Variants in SLC44A5 observed in about 807,000 individuals in gnomAD.
The protein encoded by SLC44A5 is choline transporter-like protein 5.
In SLC44A5, 57 loss-of-function variants were observed where a neutral mutation model predicts 101.8. The observed-to-expected ratio is 0.56, with a 90% CI of 0.45 to 0.70. The LOEUF is 0.70. Among genes scored for constraint, SLC44A5 ranks in the 30% least tolerant of loss-of-function variants. The pLI, the probability that SLC44A5 is intolerant of heterozygous loss-of-function variation, is 0.00. For synonymous variants in SLC44A5, 281 were observed against 290.9 expected (o/e 0.97, Z 0.35); for missense variants, 737 against 853.1 (o/e 0.86, Z 1.70).
intron 2 of SLC44A5, among the ~76,000 whole-genome samples, chr1:75,416,658 G>A (rs777358320): frequency 4.6e-5 from 7 of 152,178 alleles, no homozygotes; most frequent in Middle Eastern, 3.2e-3. Context: ...GAAAGCAGCC[G>A]GGAAGAAGGC....
the SLC44A5 span, among the ~76,000 whole-genome samples, chr1:75,720,561 G>A: frequency 6.6e-6 from 1 of 152,076 alleles, no homozygotes; most frequent in Non-Finnish European, 1.5e-5. Context: ...TAATTGCAAA[G>A]GGAAAACTAT....
chr1:75,616,668 C>T, the SLC44A5 span, among the ~76,000 whole-genome samples: 2 of 152,292 alleles, frequency 1.3e-5, no homozygotes, highest in African/African-American at 2.4e-5. Flanking sequence ...TTGCCTCTGC[C>T]CCTCCCGAAC....
At position 75,368,643 on chromosome 1, in the gene SLC44A5, G is replaced by GCACACACACACA. The variant is rs10598515; in HGVS notation, c.52+27928_52+27939dup. Among the ~76,000 whole-genome samples, 107 of 144,090 alleles carry GCACACACACACA rather than the reference G, an allele frequency of 7.4e-4. 1 individual carries two copies. Among genetic ancestry groups the GCACACACACACA allele is most frequent in the African/African-American group, 2.6e-3 (100 of 39,082 alleles). The allele number at this position is 144,090 out of a possible 152,430, so 94.5% of individuals were successfully genotyped here. The stretch of plus-strand genomic sequence containing the variant: ...CTCTCTGTCTCTTTAAAATGTGCAT[G>GCACACACACACA]CACACACACACACACACACACACAC... On this transcript the variant is annotated intron_variant, in intron 3 of 23. Transcript: ENST00000370859.
the SLC44A5 span, among the ~76,000 whole-genome samples, chr1:75,667,877 G>A: frequency 7.9e-5 from 12 of 152,294 alleles, no homozygotes; most frequent in South Asian, 1.4e-3. Context: ...ACTGTCAAAA[G>A]ACATAACATT....
chr1:75,295,266 T>C (rs639866), intron 5 of SLC44A5, among the ~76,000 whole-genome samples: 108,549 of 152,124 alleles, frequency 0.71, 39,169 homozygotes, highest in East Asian at 0.96. Context: ...CTTCTTTGTA[T>C]GGACAGAATG....
chr1:75,482,971 A>T (rs900840542), intron 2 of SLC44A5, among the ~76,000 whole-genome samples: 1 of 152,254 alleles, frequency 6.6e-6, no homozygotes, highest in African/African-American at 2.4e-5. Flanking sequence ...CCAACCAAAT[A>T]AATTTGAAAA....
intron 2 of SLC44A5, among the ~76,000 whole-genome samples, chr1:75,419,038 G>A (rs575259272): frequency 1.1e-4 from 17 of 152,238 alleles, no homozygotes; most frequent in African/African-American, 3.9e-4. Context: ...CCAAAATAGA[G>A]TGCAATGATT....
chr1:75,463,195 G>A (rs1284775646), intron 2 of SLC44A5, among the ~76,000 whole-genome samples: 1 of 152,204 alleles, frequency 6.6e-6, no homozygotes, highest in Non-Finnish European at 1.5e-5. Context: ...GCCGAGGCAG[G>A]CGGATCACAA....
chr1:75,719,594 A>C, the SLC44A5 span, among the ~76,000 whole-genome samples: 1 of 152,132 alleles, frequency 6.6e-6, no homozygotes, highest in African/African-American at 2.4e-5. Flanking sequence ...ACTTGGTTTT[A>C]ATTTTCTTCA....
At chr1:75,630,050 T>A in the SLC44A5 span, among the ~76,000 whole-genome samples, 8 of 152,118 alleles carry the variant, frequency 5.3e-5, no homozygotes, top group Admixed American at 5.2e-4. Context: ...TCTAGCTCCA[T>A]CCCCCCAATT....
chr1:75,285,854 T>C (rs1331523500), intron 5 of SLC44A5, among the ~76,000 whole-genome samples: 1 of 152,104 alleles, frequency 6.6e-6, no homozygotes, highest in East Asian at 1.9e-4. Context: ...AATTTTGATT[T>C]TCTTAAATTT....
At chr1:75,404,038 A>G (rs1487559823) in intron 2 of SLC44A5, among the ~76,000 whole-genome samples, 1 of 152,012 alleles carries the variant, frequency 6.6e-6, no homozygotes, top group Non-Finnish European at 1.5e-5. Flanking sequence ...ACAGCACAAG[A>G]ACTTTGTGAA....
chr1:75,215,929 C>G, intron 18 of SLC44A5, 72 bp from the exon 19 acceptor site: 1 of 816,618 alleles, frequency 1.2e-6, no homozygotes, highest in Non-Finnish European at 2.0e-6. Context: ...AAATATAATA[C>G]AACATTTAAA....
At chr1:75,291,839 G>A (rs975593882) in intron 5 of SLC44A5, among the ~76,000 whole-genome samples, 4 of 151,742 alleles carry the variant, frequency 2.6e-5, no homozygotes, top group Non-Finnish European at 5.9e-5. Context: ...GTGAAACCCC[G>A]TTTCTACTAA....
chr1:75,551,265 A>AT (rs1671922163), intron 1 of SLC44A5, among the ~76,000 whole-genome samples: 1 of 152,138 alleles, frequency 6.6e-6, no homozygotes, highest in South Asian at 2.1e-4. Context: ...AATCTCAGAT[A>AT]TATTGACAGG....
At chr1:75,507,572 G>C (rs577137469) in intron 2 of SLC44A5, among the ~76,000 whole-genome samples, 1 of 152,218 alleles carries the variant, frequency 6.6e-6, no homozygotes, top group African/African-American at 2.4e-5. Context: ...TATAGAATCA[G>C]TTAGGGAGAA....
At chr1:75,255,217 G>A (rs1403429286) in intron 6 of SLC44A5, among the ~76,000 whole-genome samples, 1 of 151,956 alleles carries the variant, frequency 6.6e-6, no homozygotes, top group East Asian at 1.9e-4. Flanking sequence ...AGATAATTAT[G>A]TAGCATCAGG....
chr1:75,242,641 G>A (rs982371183), intron 8 of SLC44A5, among the ~76,000 whole-genome samples: 5 of 151,976 alleles, frequency 3.3e-5, no homozygotes, highest in South Asian at 4.2e-4. Context: ...TATTAGTGTC[G>A]GGGAATAGTA....
At position 75,238,587 on chromosome 1, in the gene SLC44A5, T is replaced by G. The variant is rs150225911; in HGVS notation, c.582A>C (p.Thr194=). The change falls in exon 10 of 24, where the codon ACA becomes ACC. Residue 194 remains threonine (T), a synonymous_variant. Coordinates refer to ENST00000370859, the MANE Select transcript of SLC44A5 (RefSeq NM_001130058.2). ...CTTGAAACATCATCTTACTTCCTAT[T>G]GTTAAAGTGCCATTTTTGGTAGAGA... ...PDFSTKNGTL[T]IGSKMMFQDG... The G allele has an allele frequency of 1.3e-6, 2 of 1,592,214 alleles. No homozygotes were observed. The highest frequency in any genetic ancestry group is 1.7e-6 in the Non-Finnish European group (2 of 1,168,580).
Sources: allele counts gnomAD v4.1 joint callset (sites outside exome capture counted in the v4.1 genomes callset), GRCh38; gene constraint gnomAD v4.1.1; transcripts MANE v1.5; gene names NCBI Gene and HGNC (gene_info 2026-07-23, HGNC 2026-07-21).